TMEM117: variants seen among roughly 807,000 people sequenced by gnomAD.
TMEM117 encodes transmembrane protein 117.
In TMEM117, 27 loss-of-function variants were observed where a neutral mutation model predicts 52.4. The observed-to-expected ratio is 0.51, with a 90% CI of 0.38 to 0.71. The LOEUF (loss-of-function observed/expected upper bound fraction) is 0.71. Ranked by LOEUF, TMEM117 falls within the 30% of genes least tolerant of loss-of-function variation. The pLI, the probability that TMEM117 is intolerant of heterozygous loss-of-function variation, is 0.00. For synonymous variants in TMEM117, 215 were observed against 206.3 expected (o/e 1.04, Z -0.36); for missense variants, 556 against 630.5 (o/e 0.88, Z 1.26).
At chr12:44,360,245 G>A (rs184438523) in intron 6 of TMEM117, among the ~76,000 whole-genome samples, 1 of 152,204 alleles carries the variant, frequency 6.6e-6, no homozygotes, top group African/African-American at 2.4e-5. Context: ...TTTGGTGACA[G>A]GTTGTTACAT....
At chr12:44,154,097 G>A (rs1449441201) in intron 4 of TMEM117, among the ~76,000 whole-genome samples, 1 of 151,910 alleles carries the variant, frequency 6.6e-6, no homozygotes, top group African/African-American at 2.4e-5. Flanking sequence ...CTGCCTCCAC[G>A]ATCCTTCACT....
intron 4 of TMEM117, among the ~76,000 whole-genome samples, chr12:44,175,492 T>C (rs1949105184): frequency 6.6e-6 from 1 of 151,990 alleles, no homozygotes; most frequent in Non-Finnish European, 1.5e-5. Context: ...AAATAAGGGG[T>C]GAACTAGATC....
chr12:44,318,217 G>A (rs1326302820), intron 6 of TMEM117: 9 of 152,402 alleles, frequency 5.9e-5, no homozygotes, highest in Non-Finnish European at 1.0e-4. Context: ...TAAGCATGGA[G>A]TGGAGAGGGT....
At chr12:44,060,528 A>T (rs996572329) in intron 3 of TMEM117, among the ~76,000 whole-genome samples, 1 of 152,198 alleles carries the variant, frequency 6.6e-6, no homozygotes, top group African/African-American at 2.4e-5. Context: ...GAGGGCTTCA[A>T]CATGAGAGCT....
chr12:43,917,230 CAAAAAAAAA>C (rs10602069), intron 2 of TMEM117, among the ~76,000 whole-genome samples: 1 of 102,154 alleles, frequency 9.8e-6, no homozygotes, highest in Non-Finnish European at 2.2e-5. Flanking sequence ...CTCATCTCTA[CAAAAAAAAA>C]AAAAAAAAAA....
In TMEM117 at chr12:43,901,391, A is replaced by G. The variant is rs185093496; in HGVS notation, c.278-42819A>G. The stretch of plus-strand genomic sequence containing the variant: ...AGTAGCGTAATCTCGGCTCACTGCA[A>G]CCTCCGCCTCCTGGGTTCAAGCCAT... On this transcript the variant is annotated intron_variant, in intron 2 of 7. Transcript: ENST00000266534. Among the ~76,000 whole-genome samples the G allele has an allele frequency of 1.6e-3, 250 of 151,908 alleles. 1 individual carries two copies. The highest frequency in any genetic ancestry group is 5.7e-3 in the African/African-American group (238 of 41,398).
intron 5 of TMEM117, among the ~76,000 whole-genome samples, chr12:44,222,283 T>C (rs1252298115): frequency 6.6e-6 from 1 of 152,132 alleles, no homozygotes. Context: ...TTTGCAGTCT[T>C]CTCATCACCT....
chr12:44,037,378 A>G (rs1205573018), intron 3 of TMEM117, among the ~76,000 whole-genome samples: 1 of 152,102 alleles, frequency 6.6e-6, no homozygotes, highest in African/African-American at 2.4e-5. Context: ...TCCCATTTCA[A>G]GCAAACTTGA....
intron 6 of TMEM117, among the ~76,000 whole-genome samples, chr12:44,322,822 G>T (rs1951149786): frequency 6.6e-6 from 1 of 151,904 alleles, no homozygotes; most frequent in African/African-American, 2.4e-5. Flanking sequence ...CCGCTGGCCG[G>T]CCCCCCACCA....
chr12:44,269,989 G>A (rs555472332), intron 5 of TMEM117, among the ~76,000 whole-genome samples: 1 of 152,104 alleles, frequency 6.6e-6, no homozygotes, highest in African/African-American at 2.4e-5. Flanking sequence ...CCTGTGAAAC[G>A]ACCTGGAAAA....
At chr12:44,259,951 A>G (rs1210698035) in intron 5 of TMEM117, among the ~76,000 whole-genome samples, 1 of 152,188 alleles carries the variant, frequency 6.6e-6, no homozygotes, top group East Asian at 1.9e-4. Flanking sequence ...AACCGCCATG[A>G]AAAATTTTGG....
chr12:43,923,148 C>A (rs1210856931), intron 2 of TMEM117, among the ~76,000 whole-genome samples: 1 of 152,096 alleles, frequency 6.6e-6, no homozygotes, highest in Non-Finnish European at 1.5e-5. Context: ...TATGTTGCTT[C>A]TCCCCTGGAA....
At chr12:43,837,704 T>G (rs552224983) in intron 1 of TMEM117, among the ~76,000 whole-genome samples, 3 of 152,318 alleles carry the variant, frequency 2.0e-5, no homozygotes, top group Non-Finnish European at 4.4e-5. Context: ...TTAAAGGATA[T>G]AGTAGTGATT....
intron 2 of TMEM117, among the ~76,000 whole-genome samples, chr12:43,928,612 A>T (rs1050007307): frequency 2.6e-5 from 4 of 151,912 alleles, no homozygotes; most frequent in African/African-American, 9.7e-5. Context: ...TTATTATTAT[A>T]CTTTAAGTTT....
chr12:43,829,958 C>T, the TMEM117 span, among the ~76,000 whole-genome samples: 1 of 151,526 alleles, frequency 6.6e-6, no homozygotes, highest in African/African-American at 2.4e-5. Context: ...CGTGGTGGTG[C>T]GTGCCGATAG....
chr12:44,091,134 T>C (rs554595360), intron 3 of TMEM117, among the ~76,000 whole-genome samples: 1 of 152,186 alleles, frequency 6.6e-6, no homozygotes, highest in South Asian at 2.1e-4. Flanking sequence ...ACTTCTTACA[T>C]GGTGGCGGCA....
At chr12:44,027,599 G>A (rs1946563155) in intron 3 of TMEM117, among the ~76,000 whole-genome samples, 1 of 152,168 alleles carries the variant, frequency 6.6e-6, no homozygotes, top group African/African-American at 2.4e-5. Flanking sequence ...GCATTTTTAT[G>A]AGGAATACTA....
intron 3 of TMEM117, among the ~76,000 whole-genome samples, chr12:43,965,088 C>T (rs1945463395): frequency 6.6e-6 from 1 of 152,188 alleles, no homozygotes; most frequent in South Asian, 2.1e-4. Context: ...GCCCTAGTAA[C>T]AGGGCTCCCT....
At chr12:44,191,805 A>C (rs1047529202) in intron 4 of TMEM117, among the ~76,000 whole-genome samples, 5 of 152,154 alleles carry the variant, frequency 3.3e-5, no homozygotes, top group African/African-American at 1.2e-4. Flanking sequence ...TATTTAGTAA[A>C]CTGAATATTG....
Sources: gnomAD v4.1 joint callset for allele counts (sites outside exome capture counted in the v4.1 genomes callset) on GRCh38, gnomAD v4.1.1 for gene constraint, MANE v1.5 for transcripts, NCBI Gene and HGNC (gene_info 2026-07-23, HGNC 2026-07-21) for gene names.